Variants in MIER2 observed in about 807,000 individuals in gnomAD.
MIER2 encodes the protein MIER family member 2.
MIER2 carries 30 observed loss-of-function variants against 67.6 expected under a neutral mutation model. That is an observed-to-expected ratio of 0.44 (90% CI 0.33 to 0.60). MIER2 has a LOEUF of 0.60. MIER2 is among the 20% of genes least tolerant of loss of function. MIER2 has a pLI of 0.02. For missense variants in MIER2, 702 were observed against 745.1 expected (o/e 0.94, Z 0.67); for synonymous variants, 372 against 312.6 (o/e 1.19, Z -2.00).
Position 344,097 on chromosome 19 carries a change from G to A in MIER2, c.9+677C>T, listed in dbSNP as rs1257158400. The stretch of plus-strand genomic sequence containing the variant: ...AGGGTCCCGGGCTTGTTTCCTGGAC[G>A]AGGGAGGAGGCTCCAGAAGTAACTT... On this transcript the variant is annotated intron_variant, in intron 1 of 13. Coordinates refer to ENST00000264819, the MANE Select transcript of MIER2 (RefSeq NM_017550.3). 9.1e-6 allele frequency: 9 copies of A among 985,334 alleles called. No individual in the cohort carries two copies. The African/African-American group carries it at 1.0e-4, about 11-fold the overall frequency. The allele number at this position is 985,334 out of a possible 1,614,324, so 61.0% of individuals were successfully genotyped here. A position where few individuals can be genotyped will look rare whatever the true frequency, so the allele number is the denominator to read the frequency against.
chr19:321,758 T>C (rs188905482), intron 7 of MIER2, among the ~76,000 whole-genome samples: 109 of 152,276 alleles, frequency 7.2e-4, no homozygotes, highest in Non-Finnish European at 1.5e-3. Flanking sequence ...CACCTCAGAC[T>C]TCCTTGTAAC....
intron 1 of MIER2, among the ~76,000 whole-genome samples, chr19:337,948 C>T (rs1972337936): frequency 6.8e-6 from 1 of 147,416 alleles, no homozygotes; most frequent in Admixed American, 6.9e-5. Context: ...CCGAGGTGGG[C>T]AGATCACGAG....
intron 8 of MIER2, 72 bp from the exon 9 acceptor site, chr19:312,344 C>T (rs1971057238): frequency 3.4e-6 from 5 of 1,491,762 alleles, no homozygotes; most frequent in Non-Finnish European, 4.6e-6. Context: ...TCTATACCAT[C>T]CAGCGAGTGG....
chr19:323,509 G>C (rs960171804), intron 7 of MIER2, among the ~76,000 whole-genome samples: 16 of 150,114 alleles, frequency 1.1e-4, no homozygotes, highest in Non-Finnish European at 2.1e-4. Context: ...CAACCACACA[G>C]ACGACTCAAA....
At chr19:331,013 T>C (rs74632365) in intron 3 of MIER2, among the ~76,000 whole-genome samples, 1 of 152,270 alleles carries the variant, frequency 6.6e-6, no homozygotes, top group African/African-American at 2.4e-5. Flanking sequence ...TGGCTGAGGC[T>C]GTATTTTAAC....
At chr19:338,416 A>T (rs944687520) in intron 1 of MIER2, among the ~76,000 whole-genome samples, 1 of 152,212 alleles carries the variant, frequency 6.6e-6, no homozygotes, top group Non-Finnish European at 1.5e-5. Flanking sequence ...CTCTGAGTGA[A>T]CAAAGCAGTG....
At chr19:344,651 C>T in intron 1 of MIER2, 123 bp downstream of exon 1, 1 of 617,148 alleles carries the variant, frequency 1.6e-6, no homozygotes, top group Non-Finnish European at 2.1e-6. Context: ...GGCGCCCCGG[C>T]CGGCCTCAGA....
intron 3 of MIER2, among the ~76,000 whole-genome samples, chr19:331,220 T>C (rs1275662627): frequency 1.3e-5 from 2 of 151,934 alleles, no homozygotes; most frequent in African/African-American, 4.8e-5. Flanking sequence ...TAGCCAGGCA[T>C]GGTGGTGGGC....
In MIER2 at chr19:307,511, G is replaced by A. The variant is rs774841269; in HGVS notation, c.1224C>T (p.Ala408=). 1.0e-4 allele frequency: 154 copies of A among 1,514,600 alleles called. No homozygotes were observed. Among genetic ancestry groups the A allele is most frequent in the Middle Eastern group, 5.3e-4 (3 of 5,616 alleles). The allele number at this position is 1,514,600 out of a possible 1,614,324, so 93.8% of individuals were successfully genotyped here. The part of the protein sequence containing the change: ...RTDPLSVDGT[A]GGLDEPGVAS... ...CCACTCCGGGCTCATCGAGACCACCGGCCGTGCCATCCACGCTCAGTGGAT... is the reference window on the plus strand; with the variant it reads ...CCACTCCGGGCTCATCGAGACCACCAGCCGTGCCATCCACGCTCAGTGGAT... Residue 408 remains alanine, a synonymous_variant, in exon 13 of 14, where the codon GCC becomes GCT. Coordinates refer to ENST00000264819, the MANE Select transcript of MIER2 (RefSeq NM_017550.3).
rs1568216618 is a variant in MIER2 at position 310,617 on chromosome 19, CACAGCCCGGAGCTATAGAA to C, written c.984+1209_984+1227del. ...GAAACACAGCCGGGAGCTATAGAAACACAGCCCGGAGCTATAGAAACAGCCCAGAGTCCAGAAACACAGC... is the reference window on the plus strand; with the variant it reads ...GAAACACAGCCGGGAGCTATAGAAACACAGCCCAGAGTCCAGAAACACAGC... On this transcript the variant is annotated intron_variant, in intron 10 of 13. Transcript: ENST00000264819. 5.2e-4 allele frequency among the ~76,000 whole-genome samples: 76 copies of C among 146,980 alleles called. 1 individual carries two copies. Among genetic ancestry groups the C allele is most frequent in the Middle Eastern group, 8.1e-3 (2 of 246 alleles).
rs368451162 is a variant in MIER2 at position 307,570 on chromosome 19, G to A, written c.1199-34C>T. On this transcript the variant is annotated intron_variant, in intron 12 of 13. Transcript: ENST00000264819. ...GAGAACGCAACAGAGGGTGGGGCCT[G>A]CCCACAGCCGCGGATCCTGTGCAGG... The A allele has an allele frequency of 1.6e-5, 23 of 1,473,808 alleles. No homozygotes were observed. The African/African-American group carries it at 2.5e-4, about 16-fold the overall frequency. The allele number at this position is 1,473,808 out of a possible 1,614,324, so 91.3% of individuals were successfully genotyped here. A position where few individuals can be genotyped will look rare whatever the true frequency, so the allele number is the denominator to read the frequency against.
chr19:315,734 G>T (rs1238804829), intron 7 of MIER2, among the ~76,000 whole-genome samples: 1 of 152,220 alleles, frequency 6.6e-6, no homozygotes, highest in East Asian at 1.9e-4. Context: ...TCTAAGATAC[G>T]TGTAAATGAG....
chr19:315,759 A>G (rs145311695), intron 7 of MIER2, among the ~76,000 whole-genome samples: 1,691 of 152,366 alleles, frequency 0.011, 11 homozygotes, highest in Middle Eastern at 0.031. Context: ...AGAGAAAGCA[A>G]AGAAGGAGGC....
rs1568210875 is a variant in MIER2 at position 305,762 on chromosome 19, GTAAACA to G, written c.*922_*927del. 6.6e-6 allele frequency: 1 copy of G among 152,520 alleles called. No individual in the cohort carries two copies. Among genetic ancestry groups the G allele is most frequent in the African/African-American group, 2.4e-5 (1 of 41,418 alleles). The allele number at this position is 152,520 out of a possible 1,614,324, so 9.4% of individuals were successfully genotyped here. A position where few individuals can be genotyped will look rare whatever the true frequency, so the allele number is the denominator to read the frequency against. On this transcript the variant is annotated 3_prime_UTR_variant, in exon 14 of 14. Coordinates refer to ENST00000264819, the MANE Select transcript of MIER2 (RefSeq NM_017550.3). ...CCCACGGAGGACCCCACTCCAACGT[GTAAACA>G]GAAACAGAAACGAACGAGAGGGCCA...
At chr19:309,445 G>A (rs72984405) in intron 10 of MIER2, among the ~76,000 whole-genome samples, 19,404 of 139,742 alleles carry the variant, frequency 0.14, 1,953 homozygotes, top group African/African-American at 0.28. Flanking sequence ...AGGGCCCAGC[G>A]AATGCTTCCC....
chr19:340,559 T>G (rs1972458191), intron 1 of MIER2: 1 of 152,830 alleles, frequency 6.5e-6, no homozygotes, highest in African/African-American at 2.4e-5. Context: ...TTCGTCCTCA[T>G]CATCTTCACG....
intron 1 of MIER2, chr19:343,841 C>G: frequency 1.0e-6 from 1 of 985,344 alleles, no homozygotes; most frequent in Non-Finnish European, 1.2e-6. Context: ...CAGGGCCCTC[C>G]AAGGTGAAAG....
chr19:316,339 C>A lies in MIER2; in HGVS notation c.656-2696G>T, dbSNP rs917180235. Among the ~76,000 whole-genome samples the A allele has an allele frequency of 1.1e-4, 16 of 152,050 alleles. No individual in the cohort carries two copies. In the East Asian group the frequency reaches 2.5e-3, roughly 24 times the overall value. On this transcript the variant is annotated intron_variant, in intron 7 of 13. Coordinates refer to ENST00000264819, the MANE Select transcript of MIER2 (RefSeq NM_017550.3). The stretch of plus-strand genomic sequence containing the variant: ...ATGGAGTCTTGCTCTGTCCCCCAGG[C>A]TGGAGTGCAGTGGTGCGATCTTGGC...
intron 4 of MIER2, 144 bp from the exon 5 acceptor site, chr19:327,400 G>GA: frequency 9.0e-7 from 1 of 1,107,766 alleles, no homozygotes; most frequent in Non-Finnish European, 1.3e-6. Flanking sequence ...GGTGCACAGC[G>GA]TGGGGGGAGC....
Sources: allele counts gnomAD v4.1 joint callset (sites outside exome capture counted in the v4.1 genomes callset), GRCh38; gene constraint gnomAD v4.1.1; transcripts MANE v1.5; gene names NCBI Gene and HGNC (gene_info 2026-07-23, HGNC 2026-07-21).